TRABD2B: variants seen among roughly 807,000 people sequenced by gnomAD.
TRABD2B encodes TraB domain containing 2B, also known as metalloprotease TIKI2.
Under a neutral mutation model 40.1 loss-of-function variants are expected in TRABD2B, and 14 were observed. The ratio of observed to expected loss-of-function variants is 0.35; its 90% confidence interval spans 0.23 to 0.55. TRABD2B has a LOEUF of 0.55. TRABD2B is among the 20% of genes least tolerant of loss of function. The pLI, the probability that TRABD2B is intolerant of heterozygous loss-of-function variation, is 0.90. For missense variants in TRABD2B, 541 were observed against 648.6 expected (o/e 0.83, Z 1.80); for synonymous variants, 263 against 277.0 (o/e 0.95, Z 0.50).
intron 2 of TRABD2B, among the ~76,000 whole-genome samples, chr1:47,882,826 GTA>G (rs1417536543): frequency 6.6e-6 from 1 of 152,052 alleles, no homozygotes; most frequent in Non-Finnish European, 1.5e-5. Context: ...AACGAGGAAG[GTA>G]ACAGTGAGGA....
intron 2 of TRABD2B, among the ~76,000 whole-genome samples, chr1:47,979,773 G>C (rs1645814441): frequency 6.6e-6 from 1 of 152,172 alleles, no homozygotes; most frequent in Non-Finnish European, 1.5e-5. Context: ...CCTCACAAAA[G>C]GCCCTGTAAT....
At chr1:47,917,943 C>T (rs1644851715) in intron 2 of TRABD2B, among the ~76,000 whole-genome samples, 1 of 152,226 alleles carries the variant, frequency 6.6e-6, no homozygotes, top group Non-Finnish European at 1.5e-5. Context: ...ATTACAAAGC[C>T]TCTTAACATG....
intron 2 of TRABD2B, among the ~76,000 whole-genome samples, chr1:47,959,531 C>T (rs919387740): frequency 2.0e-5 from 3 of 152,138 alleles, no homozygotes; most frequent in Non-Finnish European, 2.9e-5. Context: ...AGGGATATCA[C>T]CACCAATCCC....
chr1:47,780,338 T>C (rs1345654420), intron 4 of TRABD2B, among the ~76,000 whole-genome samples: 1 of 152,204 alleles, frequency 6.6e-6, no homozygotes, highest in Non-Finnish European at 1.5e-5. Flanking sequence ...TCAGAGCCTA[T>C]GGGGAAGGTT....
At position 47,775,285 on chromosome 1, in the gene TRABD2B, G is replaced by C; in HGVS notation, c.1234C>G (p.Pro412Ala). The C allele has an allele frequency of 8.0e-7, 1 of 1,257,508 alleles. No individual in the cohort carries two copies. The highest frequency in any genetic ancestry group is 1.0e-6 in the Non-Finnish European group (1 of 998,220). The allele number at this position is 1,257,508 out of a possible 1,614,324, so 77.9% of individuals were successfully genotyped here. ...TCCTCCAGCTGGCTGAGGCTGTCGGGGAGCAGGAGGTGTGGGGACAGGGCT... is the reference window on the plus strand; with the variant it reads ...TCCTCCAGCTGGCTGAGGCTGTCGGCGAGCAGGAGGTGTGGGGACAGGGCT... ...DPALSPHLLL[P>A]DSLSQLEEFG... Residue 412 changes from proline (P) to alanine (A), a missense_variant, in exon 6 of 7, where the codon CCC becomes GCC. Coordinates refer to ENST00000606738, the MANE Select transcript of TRABD2B (RefSeq NM_001194986.2).
chr1:47,809,040 C>A (rs902551333), intron 2 of TRABD2B, among the ~76,000 whole-genome samples: 25 of 152,124 alleles, frequency 1.6e-4, no homozygotes, highest in Non-Finnish European at 3.7e-4. Context: ...GCTGACGAAA[C>A]CTTGCTCCCT....
intron 2 of TRABD2B, among the ~76,000 whole-genome samples, chr1:47,826,526 G>T (rs970157769): frequency 3.2e-4 from 48 of 152,104 alleles, no homozygotes; most frequent in African/African-American, 1.1e-3. Context: ...AAAGAGTTGA[G>T]AAACACTGTC....
rs181722422 is a variant in TRABD2B, at chr1:47,836,764, C to T, written c.667-35145G>A. Among the ~76,000 whole-genome samples the T allele has an allele frequency of 2.2e-4, 34 of 152,322 alleles. No individual in the cohort carries two copies. The East Asian group carries it at 6.0e-3, about 27-fold the overall frequency. On this transcript the variant is annotated intron_variant, in intron 2 of 6. Transcript: ENST00000606738. ...CCCTCATGAATGAGATTAGTACTTA[C>T]AAAAGAGACCCCAGAGAGGTCCTTT...
chr1:47,947,669 T>A (rs1645278704), intron 2 of TRABD2B, among the ~76,000 whole-genome samples: 1 of 151,402 alleles, frequency 6.6e-6, no homozygotes, highest in Non-Finnish European at 1.5e-5. Flanking sequence ...GCCCATAGAG[T>A]GAATAAAAGC....
intron 2 of TRABD2B, among the ~76,000 whole-genome samples, chr1:47,966,095 ACGGGGTCT>A (rs1645598693): frequency 2.0e-5 from 3 of 152,294 alleles, no homozygotes; most frequent in Middle Eastern, 3.4e-3. Flanking sequence ...GAAGGTCAGC[ACGGGGTCT>A]GAGGGTTTGA....
At chr1:47,970,056 C>T (rs1393487615) in intron 2 of TRABD2B, among the ~76,000 whole-genome samples, 1 of 152,102 alleles carries the variant, frequency 6.6e-6, no homozygotes, top group Non-Finnish European at 1.5e-5. Flanking sequence ...CACTCAAGCA[C>T]TTACTCATTT....
chr1:47,786,453 G>A (rs950298794), intron 4 of TRABD2B, among the ~76,000 whole-genome samples: 1 of 152,246 alleles, frequency 6.6e-6, no homozygotes, highest in East Asian at 1.9e-4. Flanking sequence ...GACAAGCCAG[G>A]AGGGGATGTT....
At chr1:47,799,670 GGTCT>G (rs1298657720) in intron 3 of TRABD2B, among the ~76,000 whole-genome samples, 2 of 152,078 alleles carry the variant, frequency 1.3e-5, no homozygotes, top group Non-Finnish European at 2.9e-5. Context: ...GGCCCGGCCC[GGTCT>G]GTCTGCAGGC....
intron 2 of TRABD2B, among the ~76,000 whole-genome samples, chr1:47,925,147 G>C (rs1644953055): frequency 6.6e-6 from 1 of 152,144 alleles, no homozygotes; most frequent in Admixed American, 6.5e-5. Flanking sequence ...CATGATTCCA[G>C]TTTGATTAGT....
chr1:47,827,774 C>T (rs1457591504), intron 2 of TRABD2B, among the ~76,000 whole-genome samples: 1 of 151,650 alleles, frequency 6.6e-6, no homozygotes, highest in African/African-American at 2.4e-5. Flanking sequence ...CACTTTGGCC[C>T]ACAATGAGGT....
intron 6 of TRABD2B, among the ~76,000 whole-genome samples, chr1:47,774,667 T>G (rs1644419241): frequency 6.6e-6 from 1 of 152,188 alleles, no homozygotes; most frequent in Non-Finnish European, 1.5e-5. Context: ...CCCCATCCAC[T>G]CCTAAGACAG....
chr1:47,880,076 C>A (rs1470593953), intron 2 of TRABD2B, among the ~76,000 whole-genome samples: 1 of 152,206 alleles, frequency 6.6e-6, no homozygotes, highest in Non-Finnish European at 1.5e-5. Context: ...TTGGAAGGCT[C>A]AGGTGGGCAG....
intron 2 of TRABD2B, among the ~76,000 whole-genome samples, chr1:47,882,141 C>T (rs915366038): frequency 6.6e-6 from 1 of 152,256 alleles, no homozygotes; most frequent in African/African-American, 2.4e-5. Flanking sequence ...TTTTCAGCAA[C>T]CGAGGAGGCC....
intron 2 of TRABD2B, among the ~76,000 whole-genome samples, chr1:47,876,307 C>G (rs918961240): frequency 6.6e-6 from 1 of 152,148 alleles, no homozygotes; most frequent in South Asian, 2.1e-4. Context: ...GAACATAGAA[C>G]AGTGTGATGT....
Sources: gnomAD v4.1 joint callset for allele counts (sites outside exome capture counted in the v4.1 genomes callset) on GRCh38, gnomAD v4.1.1 for gene constraint, MANE v1.5 for transcripts, NCBI Gene and HGNC (gene_info 2026-07-23, HGNC 2026-07-21) for gene names.